Variants in ILKAP observed in about 807,000 individuals in gnomAD.
ILKAP encodes ILK associated serine/threonine phosphatase, also known as integrin-linked kinase-associated serine/threonine phosphatase 2C.
In ILKAP, 11 loss-of-function variants were observed where a neutral mutation model predicts 49.1. The ratio of observed to expected loss-of-function variants is 0.22; its 90% CI spans 0.14 to 0.37. ILKAP has a LOEUF of 0.37. Among genes scored for constraint, ILKAP ranks in the 10% least tolerant of loss-of-function variants. The pLI is 1.00. For synonymous variants in ILKAP, 186 were observed against 192.8 expected (o/e 0.96, Z 0.29); for missense variants, 363 against 510.8 (o/e 0.71, Z 2.79).
chr2:238,177,341 ATCT>A (rs1244451629), intron 9 of ILKAP, among the ~76,000 whole-genome samples: 1 of 152,200 alleles, frequency 6.6e-6, no homozygotes, highest in Non-Finnish European at 1.5e-5. Flanking sequence ...GACATTTACC[ATCT>A]TAACCATTTT....
At chr2:238,197,315 GC>G (rs1416984724) in intron 1 of ILKAP, among the ~76,000 whole-genome samples, 1 of 152,116 alleles carries the variant, frequency 6.6e-6, no homozygotes, top group East Asian at 1.9e-4. Flanking sequence ...CAATCACAAC[GC>G]CCGTTCTCCG....
At position 238,170,447 on chromosome 2, in the gene ILKAP, A is replaced by G; in HGVS notation, c.*89T>C. On this transcript the variant is annotated 3_prime_UTR_variant, in exon 12 of 12. Coordinates refer to ENST00000254654, the MANE Select transcript of ILKAP (RefSeq NM_030768.3). ...CTTTATTTACAACCATGGGAGTCCC[A>G]CAGGAGTACACAAAACACACAATGT... 1 of 1,383,566 alleles carries G rather than the reference A, an allele frequency of 7.2e-7. No homozygotes were observed. Among genetic ancestry groups the G allele is most frequent in the Non-Finnish European group, 9.8e-7 (1 of 1,019,666 alleles). 85.7% of individuals were successfully genotyped at this position (1,383,566 alleles called of 1,614,324 possible).
chr2:238,171,452 C>T (rs12616232), intron 10 of ILKAP, among the ~76,000 whole-genome samples: 35,131 of 152,124 alleles, frequency 0.23, 4,355 homozygotes, highest in East Asian at 0.48. Context: ...TGAGCCACAG[C>T]GCCTGGCCAG....
chr2:238,173,781 C>A (rs1324605432), intron 9 of ILKAP, 128 bp from the exon 10 acceptor site: 8 of 1,100,788 alleles, frequency 7.3e-6, no homozygotes, highest in Non-Finnish European at 1.0e-5. Context: ...ACATTATTAA[C>A]CACTACTGAC....
At chr2:238,200,907 G>C (rs1370389705) in intron 1 of ILKAP, among the ~76,000 whole-genome samples, 1 of 152,234 alleles carries the variant, frequency 6.6e-6, no homozygotes, top group African/African-American at 2.4e-5. Context: ...GTACTAATTT[G>C]TACAGTAACA....
chr2:238,195,301 C>T (rs527468856), intron 1 of ILKAP, among the ~76,000 whole-genome samples: 1 of 152,172 alleles, frequency 6.6e-6, no homozygotes, highest in East Asian at 1.9e-4. Flanking sequence ...GAGGAGGGGC[C>T]TTCAAAGACC....
At chr2:238,183,052 G>A (rs562697035) in intron 8 of ILKAP, among the ~76,000 whole-genome samples, 1 of 152,262 alleles carries the variant, frequency 6.6e-6, no homozygotes, top group East Asian at 1.9e-4. Flanking sequence ...CGGAACACAT[G>A]GTCCTGATGC....
intron 5 of ILKAP, chr2:238,187,006 C>G (rs1250523617): frequency 6.6e-6 from 1 of 152,324 alleles, no homozygotes; most frequent in Middle Eastern, 3.4e-3. Context: ...AATCCTGGCA[C>G]TTTGGGAGAC....
intron 9 of ILKAP, among the ~76,000 whole-genome samples, chr2:238,176,856 G>A (rs1349765573): frequency 6.6e-6 from 1 of 152,226 alleles, no homozygotes; most frequent in Non-Finnish European, 1.5e-5. Context: ...AGGTTGGGAG[G>A]TGGAAGCTCC....
intron 3 of ILKAP, among the ~76,000 whole-genome samples, chr2:238,190,560 T>G (rs1423097719): frequency 6.6e-6 from 1 of 152,180 alleles, no homozygotes; most frequent in Non-Finnish European, 1.5e-5. Flanking sequence ...TGCAACTTAA[T>G]CTTTCAGTCT....
chr2:238,181,244 G>A (rs1335383947), intron 9 of ILKAP, among the ~76,000 whole-genome samples: 1 of 152,156 alleles, frequency 6.6e-6, no homozygotes, highest in African/African-American at 2.4e-5. Flanking sequence ...ACTAAGAGAT[G>A]ACATCTCTCT....
intron 11 of ILKAP, 111 bp downstream of exon 11, chr2:238,170,832 A>C: frequency 7.0e-7 from 1 of 1,422,354 alleles, no homozygotes; most frequent in South Asian, 1.2e-5. Context: ...ACACTGAAAA[A>C]GGGCACAAGG....
intron 1 of ILKAP, among the ~76,000 whole-genome samples, chr2:238,200,289 A>G (rs1002434116): frequency 6.6e-6 from 1 of 152,214 alleles, no homozygotes; most frequent in African/African-American, 2.4e-5. Flanking sequence ...GATGAAAACT[A>G]CTAATTTAGC....
At chr2:238,189,796 T>C in intron 4 of ILKAP, 57 bp downstream of exon 4, 1 of 1,550,200 alleles carries the variant, frequency 6.5e-7, no homozygotes, top group Non-Finnish European at 8.9e-7. Flanking sequence ...CTGGTTTTGC[T>C]CTGGGTTGTT....
At chr2:238,199,013 A>G (rs1030087891) in intron 1 of ILKAP, among the ~76,000 whole-genome samples, 3 of 152,112 alleles carry the variant, frequency 2.0e-5, no homozygotes, top group Admixed American at 6.5e-5. Flanking sequence ...TATCCTTTCC[A>G]CTTTCCTTAA....
intron 5 of ILKAP, chr2:238,185,575 AG>A (rs1462626955): frequency 3.6e-6 from 1 of 274,768 alleles, no homozygotes. Context: ...AGGCCGAGGC[AG>A]GCGGATCACG....
intron 1 of ILKAP, among the ~76,000 whole-genome samples, 200 bp from the exon 2 acceptor site, chr2:238,195,070 G>T (rs1162975822): frequency 6.6e-6 from 1 of 152,150 alleles, no homozygotes; most frequent in African/African-American, 2.4e-5. Context: ...AACAGTTACA[G>T]TCAACATAAA....
intron 1 of ILKAP, among the ~76,000 whole-genome samples, chr2:238,200,329 T>C (rs1447746405): frequency 1.3e-5 from 2 of 152,252 alleles, no homozygotes; most frequent in African/African-American, 4.8e-5. Context: ...GTGCATTCTA[T>C]GTATTTTTCT....
chr2:238,202,977 G>A (rs1179592896), intron 1 of ILKAP, among the ~76,000 whole-genome samples: 1 of 151,974 alleles, frequency 6.6e-6, no homozygotes, highest in Non-Finnish European at 1.5e-5. Flanking sequence ...AAACACGAAG[G>A]ATTAAGATGG....
Sources: gnomAD v4.1 joint callset for allele counts (sites outside exome capture counted in the v4.1 genomes callset) on GRCh38, gnomAD v4.1.1 for gene constraint, MANE v1.5 for transcripts, NCBI Gene and HGNC (gene_info 2026-07-23, HGNC 2026-07-21) for gene names.